The following CAMK2G variants were observed in gnomAD, a reference collection of about 807,000 sequenced individuals.
CAMK2G encodes the protein calcium/calmodulin dependent protein kinase II gamma.
A neutral mutation model predicts 88.7 loss-of-function variants in CAMK2G; 23 were observed. That is an observed-to-expected ratio of 0.26 (90% confidence interval 0.19 to 0.37). The LOEUF (loss-of-function observed/expected upper bound fraction) is 0.37, where lower values mean the gene tolerates loss of function less well. CAMK2G is among the 10% of genes least tolerant of loss of function. The pLI is 1.00. For missense variants in CAMK2G, 476 were observed against 780.8 expected (o/e 0.61, Z 4.65); for synonymous variants, 263 against 294.8 (o/e 0.89, Z 1.11).
chr10:73,820,508 T>TC (rs2087930197), intron 18 of CAMK2G, among the ~76,000 whole-genome samples: 1 of 129,492 alleles, frequency 7.7e-6, no homozygotes, highest in Non-Finnish European at 1.6e-5. Flanking sequence ...TTTTTTTTTT[T>TC]TTTCTTGAGA....
At chr10:73,854,096 A>G (rs539784718) in intron 3 of CAMK2G, among the ~76,000 whole-genome samples, 3 of 152,308 alleles carry the variant, frequency 2.0e-5, no homozygotes, top group African/African-American at 7.2e-5. Context: ...CTGACTCCAA[A>G]GACTGTGGTC....
intron 14 of CAMK2G, among the ~76,000 whole-genome samples, chr10:73,831,056 G>A (rs962304884): frequency 6.6e-6 from 1 of 152,158 alleles, no homozygotes; most frequent in African/African-American, 2.4e-5. Context: ...GCCTGGAAAG[G>A]TCGAACTCTG....
rs1194890930 is a variant in CAMK2G, at chr10:73,849,041, T to C, written c.489A>G (p.Glu163=). The part of the protein sequence containing the change: ...VKLADFGLAI[E]VQGEQQAWFG... The stretch of plus-strand genomic sequence containing the variant: ...ACCAAGCCTGCTGCTCTCCCTGTAC[T>C]TCGATGGCTAGGCCAAAATCAGCCA... The change falls in exon 7 of 23, where the codon GAA becomes GAG. Residue 163 remains glutamate, a synonymous_variant. Coordinates refer to ENST00000423381, the MANE Select transcript of CAMK2G (RefSeq NM_001367534.1). The C allele has an allele frequency of 1.2e-6, 2 of 1,613,554 alleles. No individual in the cohort carries two copies. Among genetic ancestry groups the C allele is most frequent in the South Asian group, 2.2e-5 (2 of 91,072 alleles).
chr10:73,864,060 C>T (rs1438539096), intron 2 of CAMK2G, among the ~76,000 whole-genome samples: 3 of 152,182 alleles, frequency 2.0e-5, no homozygotes, highest in East Asian at 1.9e-4. Context: ...AAATATTTAT[C>T]GTGGCTGGGC....
chr10:73,847,099 C>A (rs1391542409), intron 10 of CAMK2G, 126 bp downstream of exon 10: 6 of 971,696 alleles, frequency 6.2e-6, no homozygotes, highest in Non-Finnish European at 9.5e-6. Context: ...CAGTCCTCTG[C>A]CCGCCTGCTC....
chr10:73,872,906 C>T (rs2095885713), intron 2 of CAMK2G, 83 bp downstream of exon 2: 3 of 888,248 alleles, frequency 3.4e-6, no homozygotes, highest in Non-Finnish European at 5.8e-6. Context: ...AAACGCACAA[C>T]CCCCAATTCC....
Position 73,839,664 on chromosome 10 carries a change from G to A in CAMK2G, c.947-63C>T. The A allele has an allele frequency of 2.9e-6, 3 of 1,025,426 alleles. No individual in the cohort carries two copies. The highest frequency in any genetic ancestry group is 3.8e-6 in the Non-Finnish European group (3 of 798,554). The allele number at this position is 1,025,426 out of a possible 1,614,324, so 63.5% of individuals were successfully genotyped here. A position where few individuals can be genotyped will look rare whatever the true frequency, so the allele number is the denominator to read the frequency against. ...AAAGCCACGGGGCCGTCAGCAGCGA[G>A]CATGCCCCAGCGCGAGGCGCAGCCC... is the stretch of plus-strand genomic sequence containing the variant. On this transcript the variant is annotated intron_variant, in intron 12 of 22. Coordinates refer to ENST00000423381, the MANE Select transcript of CAMK2G (RefSeq NM_001367534.1). The surrounding 1 kb of genome is among the most constrained non-coding windows in gnomAD (Gnocchi z 4.2).
intron 2 of CAMK2G, among the ~76,000 whole-genome samples, chr10:73,871,714 C>A (rs540427985): frequency 6.6e-6 from 1 of 151,134 alleles, no homozygotes; most frequent in South Asian, 2.1e-4. Context: ...AGAAAACAAA[C>A]AAGTCCAACT....
intron 3 of CAMK2G, among the ~76,000 whole-genome samples, chr10:73,854,710 C>T (rs2094897068): frequency 6.6e-6 from 1 of 152,156 alleles, no homozygotes; most frequent in Non-Finnish European, 1.5e-5. Flanking sequence ...TATGTCCCCT[C>T]CCCACGAAGC....
intron 4 of CAMK2G, chr10:73,852,848 C>T (rs1455323412): frequency 1.0e-5 from 3 of 300,476 alleles, no homozygotes; most frequent in Non-Finnish European, 1.9e-5. Flanking sequence ...TGAAAGCTAC[C>T]TCTGATTTCT....
intron 9 of CAMK2G, 74 bp from the exon 10 acceptor site, chr10:73,847,421 A>G (rs575962184): frequency 2.3e-4 from 344 of 1,501,896 alleles, no homozygotes; most frequent in Non-Finnish European, 3.1e-4. Flanking sequence ...TCTGTCTTCA[A>G]CTCAACTCCT....
chr10:73,841,961 A>G (rs1399654448), intron 12 of CAMK2G: 3 of 592,334 alleles, frequency 5.1e-6, no homozygotes, highest in Non-Finnish European at 9.0e-6. Context: ...AAGTTCTAGG[A>G]AACAATTCAC....
At chr10:73,824,620 C>A (rs548158525) in intron 16 of CAMK2G, among the ~76,000 whole-genome samples, 1 of 152,230 alleles carries the variant, frequency 6.6e-6, no homozygotes, top group African/African-American at 2.4e-5. Context: ...CACGCCGCCA[C>A]GTCATGTGGT....
At chr10:73,873,577 A>T (rs1293203595) in intron 1 of CAMK2G, 1 of 985,634 alleles carries the variant, frequency 1.0e-6, no homozygotes, top group Non-Finnish European at 1.2e-6. Context: ...AAACCCCCCC[A>T]CAGCCGGTTT....
chr10:73,820,308 A>G lies in CAMK2G; in HGVS notation c.1250-663T>C, dbSNP rs1589814753. Reference sequence around the variant, plus strand: ...CCGCCCTGGCACTCTAGCCAGGCCCAAGCTTAGGCTAGTGGTCCTTACGGG... The same window carrying G: ...CCGCCCTGGCACTCTAGCCAGGCCCGAGCTTAGGCTAGTGGTCCTTACGGG... On this transcript the variant is annotated intron_variant, in intron 18 of 22. Coordinates refer to ENST00000423381, the MANE Select transcript of CAMK2G (RefSeq NM_001367534.1). 2.6e-5 allele frequency among the ~76,000 whole-genome samples: 4 copies of G among 151,532 alleles called. No individual in the cohort carries two copies. In the East Asian group the frequency reaches 7.8e-4, roughly 29 times the overall value.
rs1288110187 is a variant in CAMK2G at position 73,839,762 on chromosome 10, A to T, written c.947-161T>A. ...GCAGGCTGAGGAGGTAGGCGCAGCC[A>T]GCCCTGCAGCAGTCTGGGGGCCTGG... On this transcript the variant is annotated intron_variant, in intron 12 of 22. Transcript: ENST00000423381. This position sits in a 1 kb window ranked among gnomAD's most constrained non-coding sequence, Gnocchi z 4.2. Among the ~76,000 whole-genome samples, 1 of 152,186 alleles carries T rather than the reference A, an allele frequency of 6.6e-6. No homozygotes were observed. Among genetic ancestry groups the T allele is most frequent in the African/African-American group, 2.4e-5 (1 of 41,452 alleles).
intron 14 of CAMK2G, among the ~76,000 whole-genome samples, chr10:73,835,997 G>C (rs891259970): frequency 6.6e-6 from 1 of 152,002 alleles, no homozygotes; most frequent in Non-Finnish European, 1.5e-5. Context: ...ATTATGACTG[G>C]CTAATTTTTG....
intron 4 of CAMK2G, chr10:73,852,856 T>C (rs1272303183): frequency 3.2e-6 from 1 of 309,504 alleles, no homozygotes; most frequent in South Asian, 5.6e-5. Context: ...ACCTCTGATT[T>C]CTCAGGATTT....
intron 18 of CAMK2G, among the ~76,000 whole-genome samples, chr10:73,820,464 TTATATA>T (rs71483976): frequency 7.7e-4 from 57 of 74,062 alleles, no homozygotes; most frequent in African/African-American, 2.4e-3. Context: ...GGTTTTATAT[TTATATA>T]TATATATATA....
Sources: gnomAD v4.1 joint callset for allele counts (sites outside exome capture counted in the v4.1 genomes callset) on GRCh38, gnomAD v4.1.1 for gene constraint, Gnocchi (gnomAD v3.1) non-coding constraint, MANE v1.5 for transcripts, NCBI Gene and HGNC (gene_info 2026-07-23, HGNC 2026-07-21) for gene names.